RYR1: variants seen among roughly 807,000 people sequenced by gnomAD.
The protein encoded by RYR1 is central core disease of muscle.
In RYR1, 342 loss-of-function variants were observed where a neutral mutation model predicts 583.5. The observed-to-expected ratio is 0.59, with a 90% CI of 0.54 to 0.64. The LOEUF is 0.64. Among genes scored for constraint, RYR1 ranks in the 30% least tolerant of loss-of-function variants. The probability of loss-of-function intolerance (pLI) is 0.00; values close to 1 mark genes in which losing one functional copy is unlikely to be tolerated. For missense variants in RYR1, 6,032 were observed against 6,917.2 expected (o/e 0.87, Z 4.54); for synonymous variants, 2,791 against 2,822.5 (o/e 0.99, Z 0.35).
intron 38 of RYR1, among the ~76,000 whole-genome samples, chr19:38,493,348 A>G (rs565535328): frequency 6.6e-6 from 1 of 152,158 alleles, no homozygotes; most frequent in African/African-American, 2.4e-5. Context: ...GCCACATCTA[A>G]CAAGGACAGA....
intron 39 of RYR1, among the ~76,000 whole-genome samples, chr19:38,495,038 G>A (rs920686296): frequency 9.2e-5 from 14 of 151,834 alleles, no homozygotes; most frequent in Admixed American, 7.9e-4. Flanking sequence ...ATTTAGTAGA[G>A]ACAGGGTTTC....
At chr19:38,540,094 A>C (rs1332340168) in intron 84 of RYR1, among the ~76,000 whole-genome samples, 1 of 150,548 alleles carries the variant, frequency 6.6e-6, no homozygotes, top group East Asian at 1.9e-4. Context: ...GACTGTAAAA[A>C]AGTTAAGGGG....
chr19:38,460,285 G>T, intron 19 of RYR1, 90 bp from the exon 20 acceptor site: 1 of 1,219,588 alleles, frequency 8.2e-7, no homozygotes, highest in Non-Finnish European at 1.2e-6. Flanking sequence ...ACTTTCCATT[G>T]ATCCCAGGAC....
Position 38,561,150 on chromosome 19 carries a change from T to A in RYR1, c.12320T>A (p.Ile4107Asn). 1.2e-6 allele frequency: 2 copies of A among 1,613,350 alleles called. No individual in the cohort carries two copies. The highest frequency in any genetic ancestry group is 2.7e-5 in the African/African-American group (2 of 74,864). Residue 4107 changes from isoleucine to asparagine, a missense_variant, in exon 90 of 106, where the codon ATC (isoleucine) becomes AAC (asparagine). Ile to Asn is a moderately radical substitution (Grantham distance 149). Around this residue, in one of 11 missense-constraint regions of RYR1, gnomAD observed 753 missense variants for 759.6 expected, o/e 0.99. Transcript: ENST00000359596. The surrounding 1 kb of genome is among the most constrained non-coding windows in gnomAD (Gnocchi z 4.8). ...CAGAAGCAGTTCAGCGGTCCAGAAA[T>A]CCAGTTCCTGCTTTCGTGCTCCGAA... ...DSQKQFSGPE[I>N]QFLLSCSEAD...
In RYR1 at chr19:38,512,106, C is replaced by T; in HGVS notation, c.9207C>T (p.His3069=). 1 of 1,614,222 alleles carries T rather than the reference C, an allele frequency of 6.2e-7. No individual in the cohort carries two copies. Among genetic ancestry groups the T allele is most frequent in the Non-Finnish European group, 8.5e-7 (1 of 1,180,048 alleles). ...CCCCAGCTGTGGTCAACTGTCTTCA[C>T]ATCCTGGCCCGCTCCCTGGATGCCA... is the stretch of plus-strand genomic sequence containing the variant. The part of the protein sequence containing the change: ...TDAPAVVNCL[H]ILARSLDART... The change falls in exon 62 of 106, where the codon CAC becomes CAT. Residue 3069 remains histidine (H), a synonymous_variant. Transcript: ENST00000359596. This position sits in a 1 kb window ranked among gnomAD's most constrained non-coding sequence, Gnocchi z 5.1.
intron 87 of RYR1, among the ~76,000 whole-genome samples, chr19:38,544,492 G>T (rs1254628238): frequency 6.6e-6 from 1 of 152,276 alleles, no homozygotes; most frequent in South Asian, 2.1e-4. Flanking sequence ...ACAAAGGCAC[G>T]ATCTCTGAGA....
chr19:38,469,817 A>G (rs1480849409), intron 27 of RYR1, among the ~76,000 whole-genome samples: 2 of 152,138 alleles, frequency 1.3e-5, no homozygotes, highest in Non-Finnish European at 2.9e-5. Flanking sequence ...CTGTTATCCC[A>G]GCACTTAGGG....
rs200473035 is a variant in RYR1, at chr19:38,575,956, C to A, written c.14167C>A (p.Arg4723Ser). The A allele has an allele frequency of 6.2e-7, 1 of 1,614,196 alleles. No homozygotes were observed. Among genetic ancestry groups the A allele is most frequent in the Admixed American group, 1.7e-5 (1 of 60,008 alleles). The change falls in exon 97 of 106, where the codon CGC becomes AGC. Residue 4723 changes from arginine (R) to serine (S), a missense_variant. By Grantham distance (110) the Arg-to-Ser change is moderately radical. This residue lies in a region of RYR1 where 188 missense variants were observed against 215.6 expected (regional missense o/e 0.87). Transcript: ENST00000359596. ...PSNYWDKFVK[R>S]KVLDKHGDIY... is the part of the protein sequence containing the mutation. Reference sequence around the variant, plus strand: ...CAACTACTGGGACAAGTTTGTCAAGCGCAAGGTGAGAGGACATGGATGCCC... The same window carrying A: ...CAACTACTGGGACAAGTTTGTCAAGAGCAAGGTGAGAGGACATGGATGCCC...
Position 38,512,069 on chromosome 19 carries a change from C to T in RYR1, c.9173-3C>T. 2.5e-6 allele frequency: 4 copies of T among 1,613,932 alleles called. No homozygotes were observed. Among genetic ancestry groups the T allele is most frequent in the Non-Finnish European group, 3.4e-6 (4 of 1,179,936 alleles). ...ATCCCCCCGGCCCATCTTCCTCTCC[C>T]AGGGACAGACGCCCCAGCTGTGGTC... On this transcript the variant is annotated splice_region_variant and splice_polypyrimidine_tract_variant and intron_variant, in intron 61 of 105. Coordinates refer to ENST00000359596, the MANE Select transcript of RYR1 (RefSeq NM_000540.3). The surrounding 1 kb of genome is among the most constrained non-coding windows in gnomAD (Gnocchi z 5.1).
chr19:38,491,695 G>A (rs1445541160), intron 37 of RYR1, among the ~76,000 whole-genome samples: 1 of 152,090 alleles, frequency 6.6e-6, no homozygotes, highest in African/African-American at 2.4e-5. Flanking sequence ...CTCCCAAAGT[G>A]CTGGATTACA....
rs1340907135 is a variant in RYR1 at position 38,433,953 on chromosome 19, G to C, written c.45+79G>C. 1.5e-5 allele frequency: 20 copies of C among 1,295,878 alleles called. No individual in the cohort carries two copies. The East Asian group carries it at 4.1e-4, about 27-fold the overall frequency. The allele number at this position is 1,295,878 out of a possible 1,614,324, so 80.3% of individuals were successfully genotyped here. On this transcript the variant is annotated intron_variant, in intron 1 of 105. Transcript: ENST00000359596. ...GGTCTCTCTGTCTCTGAATGTCCCT[G>C]TCCGGCTTGCTGGTGGTCTCTGAGA... is the stretch of plus-strand genomic sequence containing the variant.
chr19:38,525,377 G>A lies in RYR1; in HGVS notation c.10501G>A (p.Asp3501Asn), dbSNP rs763259167. 4 of 1,613,852 alleles carry A rather than the reference G, an allele frequency of 2.5e-6. No individual in the cohort carries two copies. Among genetic ancestry groups the A allele is most frequent in the African/African-American group, 1.3e-5 (1 of 74,822 alleles). The change falls in exon 71 of 106, where the codon GAC (aspartate) becomes AAC (asparagine). Residue 3501 changes from aspartate (D) to asparagine (N), a missense_variant. This residue lies in a region of RYR1 where 1,493 missense variants were observed against 1,715.5 expected (regional missense o/e 0.87). Coordinates refer to ENST00000359596, the MANE Select transcript of RYR1 (RefSeq NM_000540.3). Reference protein sequence around the residue: ...QERTKKKRRGDRYSVQTSLIV... With the variant: ...QERTKKKRRGNRYSVQTSLIV... ...ACGCACCAAGAAGAAGCGCCGGGGG[G>A]ACCGGTACTCTGTGCAGACGTCACT...
rs142386815 is a variant in RYR1, at chr19:38,534,743, G to A, written c.11283G>A (p.Arg3761=). The change falls in exon 79 of 106, where the codon AGG becomes AGA. Residue 3761 remains arginine (R), a synonymous_variant. Transcript: ENST00000359596. ...AGGAGAAACAGATGGAGAAGCAGAG[G>A]CTCTTGTACCAGCAAGCACGGCTGC... ...SFEEKQMEKQ[R]LLYQQARLHT... is the part of the protein sequence containing the mutation. 2 of 1,613,888 alleles carry A rather than the reference G, an allele frequency of 1.2e-6. No homozygotes were observed. Among genetic ancestry groups the A allele is most frequent in the African/African-American group, 2.7e-5 (2 of 74,920 alleles).
chr19:38,505,131 C>A lies in RYR1; in HGVS notation c.8310+50C>A, dbSNP rs767859413. 4 of 1,539,910 alleles carry A rather than the reference C, an allele frequency of 2.6e-6. No individual in the cohort carries two copies. The South Asian group carries it at 3.4e-5, about 13-fold the overall frequency. ...AAGAAACCCTCAAGACCCCAGCTTTCCCCCCGACCTGGTTCTTCCCTGAGG... is the reference window on the plus strand; with the variant it reads ...AAGAAACCCTCAAGACCCCAGCTTTACCCCCGACCTGGTTCTTCCCTGAGG... On this transcript the variant is annotated intron_variant, in intron 52 of 105. Transcript: ENST00000359596.
intron 12 of RYR1, among the ~76,000 whole-genome samples, chr19:38,452,310 A>G (rs1174442650): frequency 6.6e-6 from 1 of 151,936 alleles, no homozygotes; most frequent in Non-Finnish European, 1.5e-5. Flanking sequence ...GTGTGGTGGC[A>G]CGTGCCTGTA....
rs554918979 is a variant in RYR1 at position 38,502,825 on chromosome 19, G to C, written c.7836-55G>C. On this transcript the variant is annotated intron_variant, in intron 48 of 105. Coordinates refer to ENST00000359596, the MANE Select transcript of RYR1 (RefSeq NM_000540.3). ...GGGGCAGGGGGAGGAGCAGGGGCAG[G>C]GGCAGCAGAGCGGGCCTGGACGGGG... is the stretch of plus-strand genomic sequence containing the variant. 80 of 1,553,102 alleles carry C rather than the reference G, an allele frequency of 5.2e-5. 2 individuals are homozygous for C. Among genetic ancestry groups the C allele is most frequent in the African/African-American group, 3.9e-4 (28 of 72,302 alleles).
Position 38,500,581 on chromosome 19 carries a change from C to A in RYR1, c.7324-25C>A, listed in dbSNP as rs997700499. On this transcript the variant is annotated intron_variant, in intron 45 of 105. Coordinates refer to ENST00000359596, the MANE Select transcript of RYR1 (RefSeq NM_000540.3). The surrounding 1 kb of genome is among the most constrained non-coding windows in gnomAD (Gnocchi z 5.9). Reference sequence around the variant, plus strand: ...TGGGGCACCAGCGCCTGATGAGTGCCCCTCTCCCTCCCTCTACTCCCCAGC... The same window carrying A: ...TGGGGCACCAGCGCCTGATGAGTGCACCTCTCCCTCCCTCTACTCCCCAGC... 8 of 1,611,574 alleles carry A rather than the reference C, an allele frequency of 5.0e-6. No homozygotes were observed. In the East Asian group the frequency reaches 1.6e-4, roughly 31 times the overall value.
chr19:38,580,267 A>G, intron 100 of RYR1, 103 bp from the exon 101 acceptor site: 2 of 1,585,276 alleles, frequency 1.3e-6, no homozygotes, highest in African/African-American at 1.3e-5. Flanking sequence ...TGGGGCAGCA[A>G]GGTAGAGCCA....
At chr19:38,440,977 A>C in intron 2 of RYR1, 113 bp downstream of exon 2, 3 of 1,088,956 alleles carry the variant, frequency 2.8e-6, no homozygotes, top group Non-Finnish European at 3.8e-6. Context: ...ACAGGAGAGA[A>C]AGTGAGGAGG....
Sources: allele counts gnomAD v4.1 joint callset (sites outside exome capture counted in the v4.1 genomes callset), GRCh38; gene constraint gnomAD v4.1.1; regional missense constraint gnomAD v4.1.1; non-coding constraint Gnocchi (gnomAD v3.1); transcripts MANE v1.5; gene names NCBI Gene and HGNC (gene_info 2026-07-23, HGNC 2026-07-21).